SLC35F1: variants seen among roughly 807,000 people sequenced by gnomAD.
SLC35F1 encodes the protein chromosome 6 open reading frame 169.
A neutral mutation model predicts 48.7 loss-of-function variants in SLC35F1; 14 were observed. The observed-to-expected ratio is 0.29, with a 90% CI of 0.19 to 0.45. The LOEUF is 0.45. Ranked by LOEUF, SLC35F1 falls within the 20% of genes least tolerant of loss-of-function variation. SLC35F1 has a pLI of 1.00. For synonymous variants in SLC35F1, 190 were observed against 202.2 expected, an observed-to-expected ratio of 0.94 and a Z score of 0.51; for missense variants, 404 against 500.0, an observed-to-expected ratio of 0.81 and a Z score of 1.83.
At chr6:118,198,812 G>A (rs566090967) in intron 2 of SLC35F1, among the ~76,000 whole-genome samples, 1 of 152,272 alleles carries the variant, frequency 6.6e-6, no homozygotes, top group Admixed American at 6.5e-5. Context: ...TCCCAGGGGA[G>A]GACTCTAAAC....
At chr6:118,156,397 A>G (rs9374719) in intron 2 of SLC35F1, among the ~76,000 whole-genome samples, 33,376 of 152,020 alleles carry the variant, frequency 0.22, 4,085 homozygotes, top group East Asian at 0.39. Flanking sequence ...TTAGGGAGAC[A>G]TGAGACTTCA....
At chr6:117,956,738 T>C (rs1476152444) in intron 1 of SLC35F1, among the ~76,000 whole-genome samples, 1 of 152,166 alleles carries the variant, frequency 6.6e-6, no homozygotes, top group Non-Finnish European at 1.5e-5. Flanking sequence ...ACTCGCCAAA[T>C]GTCAGTAAGG....
At chr6:118,120,436 A>G (rs1468352994) in intron 1 of SLC35F1, among the ~76,000 whole-genome samples, 1 of 152,230 alleles carries the variant, frequency 6.6e-6, no homozygotes, top group African/African-American at 2.4e-5. Flanking sequence ...ATGCAGGTTG[A>G]TGCTTAAAAT....
At chr6:118,186,443 CT>C (rs1221384831) in intron 2 of SLC35F1, among the ~76,000 whole-genome samples, 3 of 151,424 alleles carry the variant, frequency 2.0e-5, no homozygotes, top group African/African-American at 7.3e-5. Context: ...CTTCAGGTTC[CT>C]TTATTTTATG....
intron 2 of SLC35F1, among the ~76,000 whole-genome samples, chr6:118,200,022 G>A (rs1774852392): frequency 6.6e-6 from 1 of 152,096 alleles, no homozygotes; most frequent in South Asian, 2.1e-4. Context: ...GCAGTTTTGG[G>A]CTTGGGAAGG....
At chr6:118,257,445 T>C (rs961815206) in intron 3 of SLC35F1, among the ~76,000 whole-genome samples, 5 of 152,172 alleles carry the variant, frequency 3.3e-5, no homozygotes, top group African/African-American at 1.2e-4. Flanking sequence ...CTAAGTTAAA[T>C]TGGAGTGGGA....
chr6:118,311,727 GC>G (rs1408681252), intron 7 of SLC35F1, among the ~76,000 whole-genome samples: 1 of 152,160 alleles, frequency 6.6e-6, no homozygotes, highest in Non-Finnish European at 1.5e-5. Context: ...GAAGATTGAT[GC>G]TGCGGTAAAC....
chr6:118,161,086 T>A (rs1454454937), intron 2 of SLC35F1, among the ~76,000 whole-genome samples: 2 of 138,054 alleles, frequency 1.4e-5, no homozygotes, highest in Non-Finnish European at 3.4e-5. Flanking sequence ...CTTACATAAT[T>A]AGAAGAAATA....
At chr6:118,299,774 G>T (rs146804595) in intron 7 of SLC35F1, among the ~76,000 whole-genome samples, 2 of 152,166 alleles carry the variant, frequency 1.3e-5, no homozygotes, top group Non-Finnish European at 2.9e-5. Context: ...GTCAGTTAGA[G>T]GTCAGTGAAA....
chr6:118,247,397 A>C (rs974786950), intron 3 of SLC35F1, among the ~76,000 whole-genome samples: 1 of 152,214 alleles, frequency 6.6e-6, no homozygotes, highest in Non-Finnish European at 1.5e-5. Context: ...TCTGTTTTAG[A>C]GTGAAAGTAT....
chr6:117,988,924 A>G (rs1317477789), intron 1 of SLC35F1, among the ~76,000 whole-genome samples: 1 of 152,228 alleles, frequency 6.6e-6, no homozygotes, highest in African/African-American at 2.4e-5. Context: ...AGTGGTTAAA[A>G]TGGGCAAATT....
chr6:117,954,827 T>C (rs1252677992), intron 1 of SLC35F1, among the ~76,000 whole-genome samples: 1 of 152,228 alleles, frequency 6.6e-6, no homozygotes, highest in East Asian at 1.9e-4. Flanking sequence ...TTCTTGTCTA[T>C]GTAAATGGCT....
intron 1 of SLC35F1, among the ~76,000 whole-genome samples, chr6:117,982,328 A>G (rs1227025893): frequency 6.6e-6 from 1 of 152,210 alleles, no homozygotes; most frequent in Non-Finnish European, 1.5e-5. Flanking sequence ...TGAATTGCAG[A>G]TGGTATGAAA....
intron 1 of SLC35F1, among the ~76,000 whole-genome samples, chr6:118,003,372 G>A (rs140578732): frequency 6.6e-6 from 1 of 152,184 alleles, no homozygotes. Context: ...TAACATCATG[G>A]AATGCATAAG....
At chr6:117,951,896 A>G (rs1162625555) in intron 1 of SLC35F1, among the ~76,000 whole-genome samples, 1 of 152,208 alleles carries the variant, frequency 6.6e-6, no homozygotes, top group African/African-American at 2.4e-5. Flanking sequence ...GCCTAAAGCT[A>G]TCCATTAAGC....
chr6:118,112,805 C>A (rs1439017747), intron 1 of SLC35F1, among the ~76,000 whole-genome samples: 9 of 151,754 alleles, frequency 5.9e-5, no homozygotes, highest in African/African-American at 1.5e-4. Flanking sequence ...GGAAGACAAC[C>A]AAAAAACAAC....
intron 1 of SLC35F1, among the ~76,000 whole-genome samples, chr6:117,994,882 T>G (rs1389629913): frequency 6.6e-6 from 1 of 152,246 alleles, no homozygotes; most frequent in Non-Finnish European, 1.5e-5. Flanking sequence ...TTTTCAATTT[T>G]CAAGCAAACC....
intron 1 of SLC35F1, among the ~76,000 whole-genome samples, chr6:117,927,291 T>C (rs967535322): frequency 1.3e-5 from 2 of 152,044 alleles, no homozygotes; most frequent in African/African-American, 4.8e-5. Context: ...GGTCTGAGAG[T>C]TGAGATTCAC....
chr6:118,219,524 G>T (rs868434997), intron 2 of SLC35F1, among the ~76,000 whole-genome samples: 3 of 152,104 alleles, frequency 2.0e-5, no homozygotes, highest in African/African-American at 7.2e-5. Flanking sequence ...AGGTGCTAGC[G>T]AGGATGTGGA....
Sources: allele counts gnomAD v4.1 joint callset (sites outside exome capture counted in the v4.1 genomes callset), GRCh38; gene constraint gnomAD v4.1.1; transcripts MANE v1.5; gene names NCBI Gene and HGNC (gene_info 2026-07-23, HGNC 2026-07-21).